The following STC1 variants were observed in gnomAD, a reference collection of about 807,000 sequenced individuals.
STC1 encodes stanniocalcin 1, also known as stanniocalcin-1.
STC1 carries 7 observed loss-of-function variants against 22.6 expected under a neutral mutation model. The ratio of observed to expected loss-of-function variants is 0.31; its 90% CI spans 0.18 to 0.58. The LOEUF is 0.58. Ranked by LOEUF, STC1 falls within the 20% of genes least tolerant of loss-of-function variation. The pLI is 0.89. For missense variants in STC1, 224 were observed against 311.0 expected (o/e 0.72, Z 2.10); for synonymous variants, 113 against 120.7 (o/e 0.94, Z 0.42).
intron 3 of STC1, 70 bp from the exon 4 acceptor site, chr8:23,845,110 G>T (rs527390007): frequency 5.2e-6 from 8 of 1,541,952 alleles, no homozygotes; most frequent in Non-Finnish European, 7.1e-6. Flanking sequence ...GCTTTCACCC[G>T]GGCTCTAGCC....
chr8:23,847,640 A>G (rs890740945), intron 3 of STC1, among the ~76,000 whole-genome samples: 3 of 152,260 alleles, frequency 2.0e-5, no homozygotes, highest in Non-Finnish European at 2.9e-5. Context: ...TAAGGGCTGG[A>G]ATAGCCATTT....
In STC1 at chr8:23,844,759, C is replaced by G; in HGVS notation, c.*11G>C. 1 of 1,611,438 alleles carries G rather than the reference C, an allele frequency of 6.2e-7. No individual in the cohort carries two copies. Among genetic ancestry groups the G allele is most frequent in the Non-Finnish European group, 8.5e-7 (1 of 1,177,746 alleles). ...ACTAGTTTGGTGAGGTTGTGAATAA[C>G]CTCTCCCTGGTTATGCACTCTCATG... On this transcript the variant is annotated 3_prime_UTR_variant, in exon 4 of 4. Coordinates refer to ENST00000290271, the MANE Select transcript of STC1 (RefSeq NM_003155.3).
rs533629590 is a variant in STC1 at position 23,844,664 on chromosome 8, G to T, written c.*106C>A. 48 of 1,313,530 alleles carry T rather than the reference G, an allele frequency of 3.7e-5. No individual in the cohort carries two copies. The Admixed American group carries it at 9.6e-4, about 26-fold the overall frequency. 81.4% of individuals were successfully genotyped at this position (1,313,530 alleles called of 1,614,324 possible). On this transcript the variant is annotated 3_prime_UTR_variant, in exon 4 of 4. Coordinates refer to ENST00000290271, the MANE Select transcript of STC1 (RefSeq NM_003155.3). Reference sequence around the variant, plus strand: ...TTTCTTTAAGGGGGATAGAAAATAGGAACTACTTTAAAAAAATCAAACCAG... The same window carrying T: ...TTTCTTTAAGGGGGATAGAAAATAGTAACTACTTTAAAAAAATCAAACCAG...
intron 3 of STC1, among the ~76,000 whole-genome samples, chr8:23,845,330 T>A (rs534302029): frequency 6.6e-6 from 1 of 152,276 alleles, no homozygotes; most frequent in East Asian, 1.9e-4. Flanking sequence ...GTGACTGACA[T>A]TTTTAGAAAC....
chr8:23,852,174 A>C, intron 2 of STC1, 68 bp downstream of exon 2: 4 of 1,604,972 alleles, frequency 2.5e-6, no homozygotes, highest in Non-Finnish European at 3.4e-6. Flanking sequence ...ACTGGTTCCT[A>C]AGAACCATGG....
rs762081730 is a variant in STC1 at position 23,844,755 on chromosome 8, A to G, written c.*15T>C. 1.2e-6 allele frequency: 2 copies of G among 1,610,550 alleles called. No homozygotes were observed. Among genetic ancestry groups the G allele is most frequent in the East Asian group, 4.5e-5 (2 of 44,790 alleles). On this transcript the variant is annotated 3_prime_UTR_variant, in exon 4 of 4. Transcript: ENST00000290271. ...TGATACTAGTTTGGTGAGGTTGTGA[A>G]TAACCTCTCCCTGGTTATGCACTCT...
intron 3 of STC1, 95 bp from the exon 4 acceptor site, chr8:23,845,135 A>C: frequency 7.6e-7 from 1 of 1,312,038 alleles, no homozygotes; most frequent in Non-Finnish European, 1.1e-6. Flanking sequence ...CGAGTCCCTA[A>C]TGGCCTGACC....
rs368767955 is a variant in STC1 at position 23,854,384 on chromosome 8, C to T, written c.118+22G>A. ...GAGGACAGCTCTTTGGGGGAGAAAC[C>T]GCTCTTGGGTTTGCTGCTTACCTGA... On this transcript the variant is annotated intron_variant, in intron 1 of 3. Transcript: ENST00000290271. 2.8e-5 allele frequency: 45 copies of T among 1,605,730 alleles called. No homozygotes were observed. In the African/African-American group the frequency reaches 5.3e-4, roughly 19 times the overall value.
chr8:23,854,171 T>A, intron 1 of STC1: 1 of 1,294,452 alleles, frequency 7.7e-7, no homozygotes. Context: ...CAGGCTAGGC[T>A]TATGCAATGA....
In STC1 at chr8:23,844,956, A is replaced by G. The variant is rs1489191948; in HGVS notation, c.558T>C (p.Ile186=). 1.2e-6 allele frequency: 2 copies of G among 1,614,124 alleles called. No individual in the cohort carries two copies. Among genetic ancestry groups the G allele is most frequent in the Admixed American group, 1.7e-5 (1 of 60,022 alleles). ...GGAAGAGGCTGGCCATGTTAGGCCC[A>G]ATTTTCTCCATCAGGCTGTCTCTGA... ...STIRDSLMEK[I]GPNMASLFHI... is the part of the protein sequence containing the mutation. The change falls in exon 4 of 4, where the codon ATT becomes ATC. Residue 186 remains isoleucine, a synonymous_variant. Transcript: ENST00000290271.
intron 3 of STC1, among the ~76,000 whole-genome samples, chr8:23,845,803 C>T (rs965908890): frequency 1.3e-5 from 2 of 152,182 alleles, no homozygotes; most frequent in Admixed American, 6.5e-5. Context: ...TTTAAGGGTT[C>T]ATGCTACTAT....
At position 23,844,702 on chromosome 8, in the gene STC1, C is replaced by G. The variant is rs112735053; in HGVS notation, c.*68G>C. On this transcript the variant is annotated 3_prime_UTR_variant, in exon 4 of 4. Transcript: ENST00000290271. The stretch of plus-strand genomic sequence containing the variant: ...AAAATCAAACCAGGCACAGTACACT[C>G]AAAACTGGTGTGTCAACACCCCTAA... 5.8e-5 allele frequency: 91 copies of G among 1,566,462 alleles called. No individual in the cohort carries two copies. In the African/African-American group the frequency reaches 1.1e-3, roughly 19 times the overall value.
Position 23,854,622 on chromosome 8 carries a change from A to C in STC1, c.-99T>G. 2.0e-6 allele frequency: 2 copies of C among 1,024,428 alleles called. No individual in the cohort carries two copies. The highest frequency in any genetic ancestry group is 3.1e-6 in the Non-Finnish European group (2 of 647,834). 63.5% of individuals were successfully genotyped at this position (1,024,428 alleles called of 1,614,324 possible). A position where few individuals can be genotyped will look rare whatever the true frequency, so the allele number is the denominator to read the frequency against. On this transcript the variant is annotated 5_prime_UTR_variant, in exon 1 of 4. Transcript: ENST00000290271. ...CTTGAGTGAAGATGTGGATCTGGAT[A>C]CACTGAAAGCTTAGGTGAGGATTTG... is the stretch of plus-strand genomic sequence containing the variant.
chr8:23,851,489 C>A lies in STC1; in HGVS notation c.304G>T (p.Gly102Trp). 1 of 1,614,098 alleles carries A rather than the reference C, an allele frequency of 6.2e-7. No individual in the cohort carries two copies. The highest frequency in any genetic ancestry group is 2.2e-5 in the East Asian group (1 of 44,872). Residue 102 changes from glycine (G) to tryptophan (W), a missense_variant, in exon 3 of 4, where the codon GGG (glycine) becomes TGG (tryptophan). Coordinates refer to ENST00000290271, the MANE Select transcript of STC1 (RefSeq NM_003155.3). ...GCGAGGAAGACCTTGGAGGTGACCC[C>A]GTTGGCGATGCATTTTAAGCTCTCT... Reference protein sequence around the residue: ...VKESLKCIANGVTSKVFLAIR... With the variant: ...VKESLKCIANWVTSKVFLAIR...
rs78147844 is a variant in STC1 at position 23,844,502 on chromosome 8, A to AG, written c.*267_*268insC. 0.16 allele frequency: 76,536 copies of AG among 481,120 alleles called. 6,578 individuals are homozygous for AG. Among genetic ancestry groups the AG allele is most frequent in the Admixed American group, 0.22 (6,342 of 29,180 alleles). 29.8% of individuals were successfully genotyped at this position (481,120 alleles called of 1,614,324 possible). A position where few individuals can be genotyped will look rare whatever the true frequency, so the allele number is the denominator to read the frequency against. The stretch of plus-strand genomic sequence containing the variant: ...GGTGGTCTCAGGGGAGCAGGGGAAA[A>AG]ACATGGCAGAGGAAGTTGGTAAAAG... On this transcript the variant is annotated 3_prime_UTR_variant, in exon 4 of 4. Coordinates refer to ENST00000290271, the MANE Select transcript of STC1 (RefSeq NM_003155.3).
Position 23,844,363 on chromosome 8 carries a change from T to G in STC1, c.*407A>C. 4.8e-6 allele frequency: 1 copy of G among 206,424 alleles called. No individual in the cohort carries two copies. The highest frequency in any genetic ancestry group is 1.0e-5 in the Non-Finnish European group (1 of 100,310). 12.8% of individuals were successfully genotyped at this position (206,424 alleles called of 1,614,324 possible). On this transcript the variant is annotated 3_prime_UTR_variant, in exon 4 of 4. Coordinates refer to ENST00000290271, the MANE Select transcript of STC1 (RefSeq NM_003155.3). ...AACATCTTTATGAGCATTTAAGACA[T>G]GCATTTAAATAAAGTTTCCTTATCA...
At position 23,844,702 on chromosome 8, in the gene STC1, C is replaced by T. The variant is rs112735053; in HGVS notation, c.*68G>A. The T allele has an allele frequency of 8.5e-4, 1,337 of 1,566,460 alleles. 8 individuals carry two copies. The African/African-American group carries it at 0.015, about 17-fold the overall frequency. On this transcript the variant is annotated 3_prime_UTR_variant, in exon 4 of 4. Transcript: ENST00000290271. Reference sequence around the variant, plus strand: ...AAAATCAAACCAGGCACAGTACACTCAAAACTGGTGTGTCAACACCCCTAA... The same window carrying T: ...AAAATCAAACCAGGCACAGTACACTTAAAACTGGTGTGTCAACACCCCTAA...
In STC1 at chr8:23,854,647, G is replaced by C. The variant is rs1802677697; in HGVS notation, c.-124C>G. On this transcript the variant is annotated 5_prime_UTR_variant, in exon 1 of 4. The change creates a new upstream start codon in the 5' untranslated region. Coordinates refer to ENST00000290271, the MANE Select transcript of STC1 (RefSeq NM_003155.3). ...ACACTGAAAGCTTAGGTGAGGATTTGATGAGGATTTTTTTTTGTTGTTGTT... is the reference window on the plus strand; with the variant it reads ...ACACTGAAAGCTTAGGTGAGGATTTCATGAGGATTTTTTTTTGTTGTTGTT... 1 of 913,420 alleles carries C rather than the reference G, an allele frequency of 1.1e-6. No individual in the cohort carries two copies. The highest frequency in any genetic ancestry group is 1.8e-6 in the Non-Finnish European group (1 of 551,844). 56.6% of individuals were successfully genotyped at this position (913,420 alleles called of 1,614,324 possible).
chr8:23,854,333 C>G (rs1304594627), intron 1 of STC1, 73 bp downstream of exon 1: 1 of 1,330,090 alleles, frequency 7.5e-7, no homozygotes, highest in African/African-American at 1.4e-5. Flanking sequence ...CCGTCACAGA[C>G]ACAGTTGCAA....
Sources: allele counts gnomAD v4.1 joint callset (sites outside exome capture counted in the v4.1 genomes callset), GRCh38; gene constraint gnomAD v4.1.1; transcripts MANE v1.5; gene names NCBI Gene and HGNC (gene_info 2026-07-23, HGNC 2026-07-21).